MED16: variants seen among roughly 807,000 people sequenced by gnomAD.
MED16 encodes mediator complex subunit 16.
MED16 carries 81 observed loss-of-function variants against 84.4 expected under a neutral mutation model. That is an observed-to-expected ratio of 0.96 (90% CI 0.80 to 1.15). The LOEUF is 1.15. Ranked by LOEUF, MED16 falls within the 50% of genes most tolerant of loss-of-function variation. The pLI, the probability that MED16 is intolerant of heterozygous loss-of-function variation, is 0.00. For synonymous variants in MED16, 897 were observed against 552.2 expected, an observed-to-expected ratio of 1.62 and a Z score of -8.76; for missense variants, 1,585 against 1,245.9, an observed-to-expected ratio of 1.27 and a Z score of -4.10.
chr19:885,540 G>A (rs868482300), intron 5 of MED16, among the ~76,000 whole-genome samples: 8 of 152,160 alleles, frequency 5.3e-5, no homozygotes, highest in South Asian at 4.1e-4. Flanking sequence ...AAGAGGCTGC[G>A]CTGTGGCCAC....
At chr19:875,021 G>A (rs1260671982) in intron 10 of MED16, among the ~76,000 whole-genome samples, 1 of 151,904 alleles carries the variant, frequency 6.6e-6, no homozygotes, top group African/African-American at 2.4e-5. Context: ...AAAATCAGCC[G>A]GGCGTGGTGG....
chr19:868,878 C>T lies in MED16; in HGVS notation c.2384G>A (p.Cys795Tyr). Residue 795 changes from cysteine to tyrosine, a missense_variant, in exon 14 of 16, where the codon TGC becomes TAC. Cys to Tyr is a radical substitution (Grantham distance 194). Coordinates refer to ENST00000325464, the MANE Select transcript of MED16 (RefSeq NM_005481.3). The part of the protein sequence containing the change: ...LHLGACPTEE[C>Y]KACTRCGCVT... ...GGCCCCTCACCTGGTGCAGGCCTTG[C>T]ATTCCTCCGTGGGGCAAGCGCCAAG... The T allele has an allele frequency of 6.4e-7, 1 of 1,550,872 alleles. No homozygotes were observed. Among genetic ancestry groups the T allele is most frequent in the East Asian group, 2.4e-5 (1 of 42,088 alleles).
At chr19:869,790 A>C (rs1183877380) in intron 13 of MED16, among the ~76,000 whole-genome samples, 1 of 152,186 alleles carries the variant, frequency 6.6e-6, no homozygotes, top group African/African-American at 2.4e-5. Context: ...CTGAGCAATC[A>C]GTGGCTCAGA....
At chr19:876,923 T>G (rs960502785) in intron 9 of MED16, 51 bp downstream of exon 9, 1 of 1,536,398 alleles carries the variant, frequency 6.5e-7, no homozygotes, top group Non-Finnish European at 8.8e-7. Flanking sequence ...GGCCCCCACC[T>G]GCCACAGGGC....
chr19:875,662 C>G (rs1050833342), intron 9 of MED16, among the ~76,000 whole-genome samples: 1 of 152,174 alleles, frequency 6.6e-6, no homozygotes, highest in South Asian at 2.1e-4. Flanking sequence ...CAGCTGGGAG[C>G]GGCTCTGCCT....
chr19:868,989 G>A (rs1020000709), intron 13 of MED16, 43 bp from the exon 14 acceptor site: 34 of 1,491,712 alleles, frequency 2.3e-5, no homozygotes, highest in African/African-American at 4.2e-5. Context: ...TGGGCACCAC[G>A]AGGCCAGGTT....
At position 876,950 on chromosome 19, in the gene MED16, G is replaced by GCCCCACCTGCCACGGGC. The variant is rs748492712; in HGVS notation, c.1560+7_1560+23dup. 175 of 1,511,806 alleles carry GCCCCACCTGCCACGGGC rather than the reference G, an allele frequency of 1.2e-4. 1 individual carries two copies. The highest frequency in any genetic ancestry group is 5.3e-4 in the Admixed American group (29 of 54,452). The allele number at this position is 1,511,806 out of a possible 1,614,324, so 93.6% of individuals were successfully genotyped here. On this transcript the variant is annotated intron_variant, in intron 9 of 15. Coordinates refer to ENST00000325464, the MANE Select transcript of MED16 (RefSeq NM_005481.3). ...CCACAGGGCCCCCACCTGCCACGGG[G>GCCCCACCTGCCACGGGC]CCCCACCTGCCACGGGCCCCCACCT...
chr19:878,252 AGCCCC>A (rs1568326151), intron 8 of MED16, among the ~76,000 whole-genome samples: 44 of 22,590 alleles, frequency 1.9e-3, no homozygotes, highest in Admixed American at 3.0e-3. Flanking sequence ...CCCCAGCCCC[AGCCCC>A]ACGGGCCCCA....
chr19:871,281 G>A (rs1050122302), intron 12 of MED16, 28 bp from the exon 13 acceptor site: 5 of 1,520,130 alleles, frequency 3.3e-6, no homozygotes, highest in Non-Finnish European at 3.5e-6. Flanking sequence ...GGAAGTCTCA[G>A]CACCCCTGAC....
chr19:871,732 C>T, intron 12 of MED16, 194 bp downstream of exon 12: 4 of 791,960 alleles, frequency 5.1e-6, no homozygotes, highest in Non-Finnish European at 3.7e-6. Context: ...GCGGGGGGCT[C>T]AGGCAGGACT....
At chr19:886,453 T>C (rs2036530237) in intron 4 of MED16, among the ~76,000 whole-genome samples, 1 of 152,198 alleles carries the variant, frequency 6.6e-6, no homozygotes, top group Non-Finnish European at 1.5e-5. Flanking sequence ...GGTGAACGTG[T>C]GCGCAACGGG....
intron 7 of MED16, among the ~76,000 whole-genome samples, chr19:880,438 G>A (rs1328781147): frequency 6.6e-6 from 1 of 152,250 alleles, no homozygotes. Context: ...AGGAGCGCAG[G>A]GGAGGGGGGC....
chr19:873,903 C>T (rs894561649), intron 10 of MED16, among the ~76,000 whole-genome samples: 5 of 152,120 alleles, frequency 3.3e-5, no homozygotes, highest in Admixed American at 6.5e-5. Flanking sequence ...CCCCCTGCTC[C>T]GAGGTGAACT....
At chr19:869,751 G>C (rs909402584) in intron 13 of MED16, among the ~76,000 whole-genome samples, 30 of 152,184 alleles carry the variant, frequency 2.0e-4, no homozygotes, top group African/African-American at 6.8e-4. Context: ...TCTTCCTTTT[G>C]CTCATCTGTG....
chr19:888,050 A>G (rs1230583293), intron 4 of MED16, among the ~76,000 whole-genome samples: 2 of 150,966 alleles, frequency 1.3e-5, no homozygotes, highest in East Asian at 2.0e-4. Flanking sequence ...TAAAAATACA[A>G]AAAAGCAGCC....
chr19:884,599 C>T (rs2145240452), intron 6 of MED16, among the ~76,000 whole-genome samples: 2 of 152,336 alleles, frequency 1.3e-5, no homozygotes, highest in South Asian at 2.1e-4. Flanking sequence ...ACGCCTGCAG[C>T]CCCTCACGGT....
intron 13 of MED16, among the ~76,000 whole-genome samples, chr19:869,232 G>A (rs954049394): frequency 6.6e-6 from 1 of 152,192 alleles, no homozygotes; most frequent in African/African-American, 2.4e-5. Flanking sequence ...ACAGGGACGA[G>A]GGTCGGTCCG....
intron 1 of MED16, 22 bp from the exon 2 acceptor site, chr19:891,171 G>C: frequency 6.3e-7 from 1 of 1,588,314 alleles, no homozygotes; most frequent in Non-Finnish European, 8.6e-7. Flanking sequence ...AGGTGTGGTG[G>C]GACGTCTATG....
At chr19:880,378 C>T (rs1290980487) in intron 7 of MED16, among the ~76,000 whole-genome samples, 2 of 152,238 alleles carry the variant, frequency 1.3e-5, no homozygotes, top group Admixed American at 1.3e-4. Flanking sequence ...GCTCCCAGCC[C>T]CTCCCCGCCC....
Sources: gnomAD v4.1 joint callset for allele counts (sites outside exome capture counted in the v4.1 genomes callset) on GRCh38, gnomAD v4.1.1 for gene constraint, MANE v1.5 for transcripts, NCBI Gene and HGNC (gene_info 2026-07-23, HGNC 2026-07-21) for gene names.